Variants in DZANK1 observed in about 807,000 individuals in gnomAD.
DZANK1 encodes double zinc ribbon and ankyrin repeat domains 1.
Under a neutral mutation model 94.5 loss-of-function variants are expected in DZANK1, and 91 were observed. The observed-to-expected ratio is 0.96, with a 90% CI of 0.81 to 1.15. DZANK1 has a LOEUF of 1.15. Among genes scored for constraint, DZANK1 ranks in the 50% most tolerant of loss-of-function variants. The pLI, the probability that DZANK1 is intolerant of heterozygous loss-of-function variation, is 0.00. For synonymous variants in DZANK1, 312 were observed against 325.3 expected (o/e 0.96, Z 0.44); for missense variants, 903 against 916.4 (o/e 0.99, Z 0.19).
rs192281616 is a variant in DZANK1, at chr20:18,387,430, G to C, written c.2018+2271C>G. ...TTACTCAAATCTAAGTATCATGGTA[G>C]ATTAATGTACATTCTCTCCTTAAAT... On this transcript the variant is annotated intron_variant, in intron 19 of 20. Coordinates refer to ENST00000262547, the Ensembl canonical transcript of DZANK1. Among the ~76,000 whole-genome samples, 66 of 152,324 alleles carry C rather than the reference G, an allele frequency of 4.3e-4. 1 individual carries two copies. In the East Asian group the frequency reaches 0.011, roughly 25 times the overall value.
rs1336723348 is a variant in DZANK1, at chr20:18,396,874, C to G, written c.1537-328G>C. ...GATGCACTTTAATCAAACTACATGA[C>G]TAGATGTTATCACCTTGGAAAAGAT... On this transcript the variant is annotated intron_variant, in intron 14 of 20. Transcript: ENST00000262547. 2.0e-5 allele frequency among the ~76,000 whole-genome samples: 3 copies of G among 152,278 alleles called. No individual in the cohort carries two copies. The East Asian group carries it at 5.8e-4, about 29-fold the overall frequency.
At chr20:18,424,802 A>G (rs1283831106) in intron 10 of DZANK1, among the ~76,000 whole-genome samples, 1 of 152,230 alleles carries the variant, frequency 6.6e-6, no homozygotes, top group Non-Finnish European at 1.5e-5. Context: ...TGGAAACAGC[A>G]TGAGTACCTG....
At chr20:18,424,460 C>T (rs1287441717) in intron 10 of DZANK1, among the ~76,000 whole-genome samples, 1 of 112,474 alleles carries the variant, frequency 8.9e-6, no homozygotes, top group Non-Finnish European at 1.9e-5. Context: ...GTCTCAATAA[C>T]AACAACAACA....
At chr20:18,386,414 G>A (rs554862075) in intron 19 of DZANK1, among the ~76,000 whole-genome samples, 1 of 152,188 alleles carries the variant, frequency 6.6e-6, no homozygotes, top group Non-Finnish European at 1.5e-5. Flanking sequence ...AGAAAACCAC[G>A]ATACACAAAC....
chr20:18,436,468 G>A (rs1412890359), intron 8 of DZANK1, among the ~76,000 whole-genome samples: 1 of 146,768 alleles, frequency 6.8e-6, no homozygotes, highest in Non-Finnish European at 1.5e-5. Context: ...AAAATCACCA[G>A]AGCGACTCAA....
chr20:18,417,005 G>A (rs1405486601), intron 10 of DZANK1, among the ~76,000 whole-genome samples: 1 of 140,748 alleles, frequency 7.1e-6, no homozygotes, highest in Non-Finnish European at 1.5e-5. Context: ...CTTTCTGGTA[G>A]TCTTACTGAT....
At chr20:18,436,398 C>T (rs1408486562) in intron 8 of DZANK1, among the ~76,000 whole-genome samples, 1 of 142,266 alleles carries the variant, frequency 7.0e-6, no homozygotes, top group Non-Finnish European at 1.5e-5. Context: ...GAGCCGAGAT[C>T]GTACCACTGC....
At chr20:18,390,575 C>T in intron 17 of DZANK1, 116 bp from the exon 18 acceptor site, 1 of 913,490 alleles carries the variant, frequency 1.1e-6, no homozygotes, top group Non-Finnish European at 1.8e-6. Flanking sequence ...TGAGTGTGTG[C>T]ATGTGTGAGT....
chr20:18,407,825 GC>G (rs1728898585), intron 13 of DZANK1, among the ~76,000 whole-genome samples: 1 of 152,158 alleles, frequency 6.6e-6, no homozygotes, highest in Non-Finnish European at 1.5e-5. Flanking sequence ...AACTGATTAA[GC>G]AAAAGAAAGA....
chr20:18,393,572 G>A (rs766539603), intron 17 of DZANK1, 139 bp downstream of exon 17: 12 of 593,374 alleles, frequency 2.0e-5, no homozygotes, highest in Admixed American at 1.3e-4. Context: ...AAGTCTAAAG[G>A]ACAAGGATGC....
intron 9 of DZANK1, among the ~76,000 whole-genome samples, chr20:18,429,445 C>A (rs970602298): frequency 6.6e-6 from 1 of 152,082 alleles, no homozygotes; most frequent in Non-Finnish European, 1.5e-5. Flanking sequence ...ATTTTTAGAG[C>A]AGTTTAAGGT....
In DZANK1 at chr20:18,396,562, T is replaced by A; in HGVS notation, c.1537-16A>T. 6.2e-7 allele frequency: 1 copy of A among 1,605,010 alleles called. No individual in the cohort carries two copies. Among genetic ancestry groups the A allele is most frequent in the Non-Finnish European group, 8.5e-7 (1 of 1,173,208 alleles). On this transcript the variant is annotated splice_polypyrimidine_tract_variant and intron_variant, in intron 14 of 20. Coordinates refer to ENST00000262547, the Ensembl canonical transcript of DZANK1. ...CAGAGATAAGCTTTTAAAAGAGTTGTAGAGAGAATTCATAACTGTGGGTGT... is the reference window on the plus strand; with the variant it reads ...CAGAGATAAGCTTTTAAAAGAGTTGAAGAGAGAATTCATAACTGTGGGTGT...
rs2058998842 is a variant in DZANK1 at position 18,449,076 on chromosome 20, T to A, written c.544-7A>T. 5.0e-6 allele frequency: 8 copies of A among 1,611,518 alleles called. No individual in the cohort carries two copies. The highest frequency in any genetic ancestry group is 6.8e-6 in the Non-Finnish European group (8 of 1,177,852). Reference sequence around the variant, plus strand: ...CGTGTGCAAAACCGGGGGACTAAAATTAAGAATATAGGTATAAAGACAGAG... The same window carrying A: ...CGTGTGCAAAACCGGGGGACTAAAAATAAGAATATAGGTATAAAGACAGAG... On this transcript the variant is annotated splice_polypyrimidine_tract_variant and splice_region_variant and intron_variant, in intron 6 of 20. Transcript: ENST00000262547.
chr20:18,420,001 T>C (rs902457592), intron 10 of DZANK1, among the ~76,000 whole-genome samples: 4 of 152,170 alleles, frequency 2.6e-5, no homozygotes, highest in Admixed American at 2.6e-4. Context: ...CCAATTGTAC[T>C]CTGCAGAAAA....
intron 1 of DZANK1, among the ~76,000 whole-genome samples, chr20:18,466,675 T>A (rs2059667525): frequency 6.6e-6 from 1 of 152,224 alleles, no homozygotes; most frequent in Non-Finnish European, 1.5e-5. Flanking sequence ...CTTAGGAAGC[T>A]GGGGTGGCCA....
At chr20:18,457,030 C>T (rs1338423394) in intron 3 of DZANK1, among the ~76,000 whole-genome samples, 2 of 152,162 alleles carry the variant, frequency 1.3e-5, no homozygotes, top group African/African-American at 4.8e-5. Context: ...GCTGAGGGGT[C>T]CAGCTTCTCC....
At chr20:18,450,500 C>A (rs1175149322) in intron 6 of DZANK1, among the ~76,000 whole-genome samples, 1 of 152,210 alleles carries the variant, frequency 6.6e-6, no homozygotes, top group Non-Finnish European at 1.5e-5. Flanking sequence ...CATTGGCTCC[C>A]ATAGTGTTTC....
chr20:18,389,553 A>T, intron 19 of DZANK1, 148 bp downstream of exon 19: 1 of 1,183,402 alleles, frequency 8.5e-7, no homozygotes, highest in Non-Finnish European at 1.2e-6. Flanking sequence ...AGAAGGCGTT[A>T]AGCCTCTTAT....
chr20:18,442,787 G>A (rs2058751623), intron 8 of DZANK1, among the ~76,000 whole-genome samples: 1 of 151,998 alleles, frequency 6.6e-6, no homozygotes, highest in Non-Finnish European at 1.5e-5. Flanking sequence ...AATATCAAGT[G>A]CTTAAAAGAT....
Sources: gnomAD v4.1 joint callset for allele counts (sites outside exome capture counted in the v4.1 genomes callset) on GRCh38, gnomAD v4.1.1 for gene constraint, MANE v1.5 for transcripts, NCBI Gene and HGNC (gene_info 2026-07-23, HGNC 2026-07-21) for gene names.